Variants in ALMS1 observed in about 807,000 individuals in gnomAD.
The protein encoded by ALMS1 is centrosome-associated protein ALMS1.
ALMS1 carries 271 observed loss-of-function variants against 352.2 expected under a neutral mutation model. That is an observed-to-expected ratio of 0.77 (90% CI 0.70 to 0.85). ALMS1 has a LOEUF of 0.85. Ranked by LOEUF, ALMS1 falls within the 40% of genes least tolerant of loss-of-function variation. The pLI is 0.00. For missense variants in ALMS1, 5,445 were observed against 4,870.7 expected (o/e 1.12, Z -3.51); for synonymous variants, 1,865 against 1,761.2 (o/e 1.06, Z -1.48).
chr2:73,482,289 T>A (rs755316141), intron 9 of ALMS1, among the ~76,000 whole-genome samples: 35 of 152,084 alleles, frequency 2.3e-4, no homozygotes, highest in Non-Finnish European at 2.8e-4. Context: ...TAGCATGAAG[T>A]GTTGTTGAAT....
chr2:73,608,608 C>A, intron 22 of ALMS1, 34 bp downstream of exon 22: 1 of 1,529,814 alleles, frequency 6.5e-7, no homozygotes, highest in South Asian at 1.1e-5. Context: ...TGGGATGGAT[C>A]AGGTTTATTG....
chr2:73,509,049 T>G (rs1572983558), intron 10 of ALMS1, among the ~76,000 whole-genome samples: 1 of 150,480 alleles, frequency 6.6e-6, no homozygotes, highest in Admixed American at 6.6e-5. Context: ...TCAACCCCTG[T>G]TTTTTTTTGT....
At chr2:73,606,591 C>T (rs1675823376) in intron 21 of ALMS1, among the ~76,000 whole-genome samples, 1 of 152,194 alleles carries the variant, frequency 6.6e-6, no homozygotes, top group Admixed American at 6.5e-5. Context: ...TAAACTGGTA[C>T]ATTTTCATTA....
intron 9 of ALMS1, among the ~76,000 whole-genome samples, chr2:73,466,857 T>C (rs552539069): frequency 2.0e-5 from 3 of 152,250 alleles, no homozygotes; most frequent in South Asian, 4.1e-4. Flanking sequence ...AACAATATCT[T>C]ACAGGTTAGA....
In ALMS1 at chr2:73,559,085, A is replaced by T; in HGVS notation, c.10327A>T (p.Thr3443Ser). ...GAAAGAGGAGATCCATAGGAAGAAG[A>T]CAGTTCCCGAGGAAGCCTGGCCAAA... ...TQKEEIHRKK[T>S]VPEEAWPNNK... is the part of the protein sequence containing the mutation. The change falls in exon 15 of 23, where the codon ACA (threonine) becomes TCA (serine). Residue 3443 changes from threonine to serine, a missense_variant. Physicochemically the swap from Thr to Ser is moderately conservative, Grantham distance 58. Coordinates refer to ENST00000613296, the MANE Select transcript of ALMS1 (RefSeq NM_001378454.1). 6.2e-7 allele frequency: 1 copy of T among 1,614,038 alleles called. No individual in the cohort carries two copies. Among genetic ancestry groups the T allele is most frequent in the Non-Finnish European group, 8.5e-7 (1 of 1,179,964 alleles).
chr2:73,445,136 A>G (rs1397525838), intron 7 of ALMS1, among the ~76,000 whole-genome samples: 1 of 152,134 alleles, frequency 6.6e-6, no homozygotes, highest in Non-Finnish European at 1.5e-5. Flanking sequence ...GTAGGTGTAT[A>G]TATTTATGGG....
chr2:73,556,478 T>C (rs1452851904), intron 13 of ALMS1, among the ~76,000 whole-genome samples: 1 of 152,148 alleles, frequency 6.6e-6, no homozygotes, highest in Non-Finnish European at 1.5e-5. Context: ...TGTATGAGAA[T>C]GCTGTATTTA....
intron 4 of ALMS1, among the ~76,000 whole-genome samples, chr2:73,423,407 C>T (rs573200185): frequency 1.3e-5 from 2 of 152,206 alleles, no homozygotes; most frequent in African/African-American, 2.4e-5. Flanking sequence ...GCTCTCCTTA[C>T]CTTATAGGAG....
At chr2:73,561,662 G>A in intron 15 of ALMS1, among the ~76,000 whole-genome samples, 1 of 145,902 alleles carries the variant, frequency 6.9e-6, no homozygotes. Context: ...ACAACAATGT[G>A]AATATACTTA....
intron 20 of ALMS1, among the ~76,000 whole-genome samples, chr2:73,602,945 A>C (rs1404544761): frequency 2.6e-5 from 4 of 152,240 alleles, no homozygotes; most frequent in Non-Finnish European, 4.4e-5. Context: ...TGATAAAATA[A>C]TGAAAGCTGT....
intron 9 of ALMS1, chr2:73,458,581 G>A (rs947009866): frequency 9.9e-5 from 15 of 152,178 alleles, no homozygotes; most frequent in African/African-American, 3.6e-4. Flanking sequence ...AAAGCAGAAT[G>A]GTCAACACAG....
intron 16 of ALMS1, among the ~76,000 whole-genome samples, chr2:73,590,208 CAG>C (rs1290566079): frequency 6.6e-6 from 1 of 152,058 alleles, no homozygotes; most frequent in African/African-American, 2.4e-5. Flanking sequence ...GACAAAAGCA[CAG>C]AGTGACATAC....
In ALMS1 at chr2:73,449,542, TA is replaced by T. The variant is rs1671882829; in HGVS notation, c.3016del (p.Arg1006GlufsTer22). On this transcript the variant is annotated frameshift_variant, in exon 8 of 23. Transcript: ENST00000613296. LOFTEE classifies it high-confidence loss of function. ...CAGTACCTTCAGGTTCCTTCTCACA[TA>T]GAGAGAAGCCCAGTATTTTCTATCA... Reference protein sequence around the residue: ...PTVPSGSFSHREKPSIFYQQE... With the variant: ...PTVPSGSFSHXEKPSIFYQQE... The T allele has an allele frequency of 1.2e-6, 2 of 1,613,688 alleles. No individual in the cohort carries two copies. The highest frequency in any genetic ancestry group is 1.7e-6 in the Non-Finnish European group (2 of 1,179,868).
At chr2:73,538,353 G>A (rs1224875371) in intron 12 of ALMS1, among the ~76,000 whole-genome samples, 2 of 152,074 alleles carry the variant, frequency 1.3e-5, no homozygotes, top group African/African-American at 4.8e-5. Context: ...ACCATAGTAA[G>A]ATACCACTTC....
At chr2:73,602,506 C>A in intron 20 of ALMS1, 138 bp downstream of exon 20, 1 of 1,011,946 alleles carries the variant, frequency 9.9e-7, no homozygotes, top group Non-Finnish European at 1.5e-6. Context: ...AAGACTCAAA[C>A]CTTCTTAGCT....
chr2:73,562,276 C>A (rs909843137), intron 15 of ALMS1, among the ~76,000 whole-genome samples: 2 of 152,076 alleles, frequency 1.3e-5, no homozygotes, highest in Non-Finnish European at 2.9e-5. Context: ...AGTGATCTTC[C>A]CACCTCAGCC....
intron 9 of ALMS1, among the ~76,000 whole-genome samples, chr2:73,462,975 C>G (rs1169756671): frequency 6.6e-6 from 1 of 152,126 alleles, no homozygotes. Context: ...TAGTGACCTA[C>G]AAAGAGACTT....
chr2:73,415,676 C>G (rs1250359599), intron 2 of ALMS1, among the ~76,000 whole-genome samples: 4 of 152,142 alleles, frequency 2.6e-5, no homozygotes, highest in African/African-American at 9.7e-5. Context: ...GAGTGCCCTT[C>G]AGGTTTAGTG....
In ALMS1 at chr2:73,481,015, A is replaced by C. The variant is rs1247136180; in HGVS notation, c.7675-8619A>C. The stretch of plus-strand genomic sequence containing the variant: ...GAGTAGGTTGCGAAAATTTTCTCCC[A>C]TTTTGTAGGTTTCCTGTTCACTCTG... On this transcript the variant is annotated intron_variant, in intron 9 of 22. Coordinates refer to ENST00000613296, the MANE Select transcript of ALMS1 (RefSeq NM_001378454.1). Among the ~76,000 whole-genome samples, 934 of 150,604 alleles carry C rather than the reference A, an allele frequency of 6.2e-3. 11 individuals are homozygous for C. The highest frequency in any genetic ancestry group is 0.022 in the African/African-American group (879 of 40,836).
Sources: gnomAD v4.1 joint callset for allele counts (sites outside exome capture counted in the v4.1 genomes callset) on GRCh38, gnomAD v4.1.1 for gene constraint, MANE v1.5 for transcripts, NCBI Gene and HGNC (gene_info 2026-07-23, HGNC 2026-07-21) for gene names.